PARP4: variants seen among roughly 807,000 people sequenced by gnomAD.
PARP4 encodes the protein protein mono-ADP-ribosyltransferase PARP4.
A neutral mutation model predicts 187.7 loss-of-function variants in PARP4; 120 were observed. That is an observed-to-expected ratio of 0.64 (90% CI 0.55 to 0.74). The LOEUF (loss-of-function observed/expected upper bound fraction) is 0.74. Among genes scored for constraint, PARP4 ranks in the 30% least tolerant of loss-of-function variants. PARP4 has a pLI of 0.00. For missense variants in PARP4, 1,836 were observed against 2,070.5 expected, an observed-to-expected ratio of 0.89 and a Z score of 2.20; for synonymous variants, 654 against 740.9, an observed-to-expected ratio of 0.88 and a Z score of 1.90.
intron 22 of PARP4, among the ~76,000 whole-genome samples, chr13:24,454,312 C>T (rs960088004): frequency 3.9e-5 from 6 of 152,210 alleles, no homozygotes; most frequent in Non-Finnish European, 7.3e-5. Context: ...CATGCTTATC[C>T]GACCTCTGTC....
chr13:24,508,837 T>C (rs797015780), intron 1 of PARP4, among the ~76,000 whole-genome samples: 15 of 152,276 alleles, frequency 9.9e-5, no homozygotes, highest in African/African-American at 3.1e-4. Context: ...TTTATCAAAA[T>C]TGACATCACA....
chr13:24,493,743 T>C lies in PARP4; in HGVS notation c.742-10A>G, dbSNP rs1868794504. On this transcript the variant is annotated splice_polypyrimidine_tract_variant and intron_variant, in intron 7 of 33. Coordinates refer to ENST00000381989, the MANE Select transcript of PARP4 (RefSeq NM_006437.4). Reference sequence around the variant, plus strand: ...CTTCCTCCAAAAGCAACTACAATAATAAAATAGAAATGCCACCAAAAAGTC... The same window carrying C: ...CTTCCTCCAAAAGCAACTACAATAACAAAATAGAAATGCCACCAAAAAGTC... The C allele has an allele frequency of 6.2e-7, 1 of 1,612,732 alleles. No individual in the cohort carries two copies.
intron 33 of PARP4, among the ~76,000 whole-genome samples, chr13:24,421,594 A>C (rs1869749627): frequency 6.6e-6 from 1 of 152,246 alleles, no homozygotes. Context: ...GCCGCTCTAC[A>C]GTTGTTTATG....
chr13:24,440,935 C>A (rs529526987), intron 30 of PARP4, among the ~76,000 whole-genome samples: 1 of 152,162 alleles, frequency 6.6e-6, no homozygotes, highest in South Asian at 2.1e-4. Flanking sequence ...TGTAGGGGTG[C>A]CATTTTGGCT....
intron 10 of PARP4, among the ~76,000 whole-genome samples, chr13:24,487,522 G>A (rs745955152): frequency 5.1e-4 from 78 of 152,220 alleles, no homozygotes; most frequent in Non-Finnish European, 1.0e-3. Flanking sequence ...GTAGCCAACA[G>A]ATGAAGGACA....
At chr13:24,450,876 A>ATT (rs113412617) in intron 24 of PARP4, among the ~76,000 whole-genome samples, 1 of 150,484 alleles carries the variant, frequency 6.6e-6, no homozygotes, top group African/African-American at 2.4e-5. Flanking sequence ...ACATTTTTCA[A>ATT]TTTTTTTTTT....
At chr13:24,492,397 G>C in intron 9 of PARP4, 24 bp downstream of exon 9, 1 of 1,554,324 alleles carries the variant, frequency 6.4e-7, no homozygotes, top group Non-Finnish European at 8.8e-7. Context: ...ATAATAAATA[G>C]AATTCTATAT....
At chr13:24,444,286 C>G (rs1871097395) in intron 27 of PARP4, among the ~76,000 whole-genome samples, 1 of 152,298 alleles carries the variant, frequency 6.6e-6, no homozygotes, top group Admixed American at 6.5e-5. Context: ...TGGAAAACGA[C>G]CTCTTCCCAG....
At chr13:24,490,167 C>T (rs1028503800) in intron 10 of PARP4, among the ~76,000 whole-genome samples, 48 of 152,170 alleles carry the variant, frequency 3.2e-4, no homozygotes, top group African/African-American at 1.1e-3. Flanking sequence ...CTCATCTGAG[C>T]AGGTGGTCCA....
chr13:24,492,536 G>A lies in PARP4; in HGVS notation c.938C>T (p.Thr313Ile), dbSNP rs2137532428. Residue 313 changes from threonine (T) to isoleucine (I), a missense_variant, in exon 9 of 34, where the codon ACA (threonine) becomes ATA (isoleucine). Around this residue, in one of 8 missense-constraint regions of PARP4, gnomAD observed 1,147 missense variants for 1,214.2 expected, o/e 0.94. Coordinates refer to ENST00000381989, the MANE Select transcript of PARP4 (RefSeq NM_006437.4). ...LVKAALKNGE[T>I]AEQLQKMMTE... Reference sequence around the variant, plus strand: ...CATCATCTTTTGCAATTGCTCTGCTGTTTCTCCATTTTTCAGTGCTGCCTT... The same window carrying A: ...CATCATCTTTTGCAATTGCTCTGCTATTTCTCCATTTTTCAGTGCTGCCTT... The A allele has an allele frequency of 1.9e-6, 3 of 1,614,028 alleles. No homozygotes were observed. The highest frequency in any genetic ancestry group is 2.2e-5 in the South Asian group (2 of 91,068).
At chr13:24,436,700 CTAT>C (rs1042153762) in intron 30 of PARP4, among the ~76,000 whole-genome samples, 3 of 145,122 alleles carry the variant, frequency 2.1e-5, no homozygotes, top group African/African-American at 7.7e-5. Context: ...TATATTACTA[CTAT>C]TGTTTCAATC....
intron 21 of PARP4, among the ~76,000 whole-genome samples, chr13:24,455,480 AATATATATATAT>A (rs57015283): frequency 1.4e-4 from 15 of 108,428 alleles, no homozygotes; most frequent in South Asian, 3.2e-4. Context: ...TTATGGAACA[AATATATATATAT>A]ATATATATAT....
In PARP4 at chr13:24,498,186, T is replaced by A; in HGVS notation, c.521A>T (p.Gln174Leu). 1 of 1,613,754 alleles carries A rather than the reference T, an allele frequency of 6.2e-7. No homozygotes were observed. The highest frequency in any genetic ancestry group is 8.5e-7 in the Non-Finnish European group (1 of 1,179,974). Reference protein sequence around the residue: ...GGQEAVVVELQCSRDSRDCPF... With the variant: ...GGQEAVVVELLCSRDSRDCPF... The stretch of plus-strand genomic sequence containing the variant: ...ACAGTCCCTGGAGTCCCGCGAACAC[T>A]GAAGCTCCACCACCACAGCTTCCTG... The change falls in exon 6 of 34, where the codon CAG becomes CTG. Residue 174 changes from glutamine (Q) to leucine (L), a missense_variant. By Grantham distance (113) the Gln-to-Leu change is moderately radical. Around this residue, in one of 8 missense-constraint regions of PARP4, gnomAD observed 1,147 missense variants for 1,214.2 expected, o/e 0.94. Transcript: ENST00000381989.
At chr13:24,468,487 C>T (rs1273780914) in intron 17 of PARP4, among the ~76,000 whole-genome samples, 1 of 150,280 alleles carries the variant, frequency 6.7e-6, no homozygotes, top group African/African-American at 2.5e-5. Flanking sequence ...TCACTGCAAC[C>T]TCTGCCCCCC....
At position 24,472,732 on chromosome 13, in the gene PARP4, C is replaced by T. The variant is rs1395176669; in HGVS notation, c.1915-2707G>A. Among the ~76,000 whole-genome samples the T allele has an allele frequency of 9.8e-5, 15 of 152,290 alleles. 1 individual carries two copies. The East Asian group carries it at 2.9e-3, about 29-fold the overall frequency. The stretch of plus-strand genomic sequence containing the variant: ...GTGGATGATGAACCTGCTGCGAGCT[C>T]CTGGCTGCGGCCCCAGCACCCGCAT... On this transcript the variant is annotated intron_variant, in intron 15 of 33. Coordinates refer to ENST00000381989, the MANE Select transcript of PARP4 (RefSeq NM_006437.4).
At position 24,435,055 on chromosome 13, in the gene PARP4, A is replaced by G. The variant is rs1452582056; in HGVS notation, c.4086T>C (p.Ser1362=). 6.2e-7 allele frequency: 1 copy of G among 1,613,980 alleles called. No homozygotes were observed. Among genetic ancestry groups the G allele is most frequent in the Admixed American group, 1.7e-5 (1 of 60,006 alleles). Residue 1362 remains serine, a synonymous_variant, in exon 31 of 34, where the codon TCT becomes TCC. Transcript: ENST00000381989. The part of the protein sequence containing the change: ...SAAPPRQFDA[S]QFSQGPVPGT... ...CAGGCACAGGGCCTTGGCTGAATTG[A>G]GATGCATCAAACTGTCTGGGAGGAG...
intron 22 of PARP4, among the ~76,000 whole-genome samples, chr13:24,453,918 C>T (rs1871671601): frequency 6.6e-6 from 1 of 152,070 alleles, no homozygotes; most frequent in African/African-American, 2.4e-5. Flanking sequence ...AGTTCAAGAC[C>T]AGCTCTGGTC....
intron 32 of PARP4, among the ~76,000 whole-genome samples, chr13:24,430,385 G>A (rs1282467944): frequency 1.3e-5 from 2 of 152,156 alleles, no homozygotes; most frequent in Non-Finnish European, 2.9e-5. Context: ...GAGCATGGTG[G>A]CTCATGCCTG....
rs1456893605 is a variant in PARP4 at position 24,492,494 on chromosome 13, A to C, written c.980T>G (p.Leu327Arg). ...LQKMMTEFYR[L>R]IPHKGTMPKE... ...GGGCATTGTGCCTTTGTGAGGTATC[A>C]GTCTGTAAAACTCTGTCATCATCTT... The change falls in exon 9 of 34, where the codon CTG (leucine) becomes CGG (arginine). Residue 327 changes from leucine to arginine, a missense_variant. Physicochemically the swap from Leu to Arg is moderately radical, Grantham distance 102 (BLOSUM62 -2). Transcript: ENST00000381989. 6.2e-7 allele frequency: 1 copy of C among 1,613,932 alleles called. No homozygotes were observed. Among genetic ancestry groups the C allele is most frequent in the Non-Finnish European group, 8.5e-7 (1 of 1,179,912 alleles).
Sources: allele counts gnomAD v4.1 joint callset (sites outside exome capture counted in the v4.1 genomes callset), GRCh38; gene constraint gnomAD v4.1.1; regional missense constraint gnomAD v4.1.1; transcripts MANE v1.5; gene names NCBI Gene and HGNC (gene_info 2026-07-23, HGNC 2026-07-21).